SGSM1: variants seen among roughly 807,000 people sequenced by gnomAD.
SGSM1 encodes the protein small G protein signaling modulator 1, also known as RUN and TBC1 domain containing 2.
In SGSM1, 73 loss-of-function variants were observed where a neutral mutation model predicts 133.8. The observed-to-expected ratio is 0.55, with a 90% CI of 0.45 to 0.66. The LOEUF (loss-of-function observed/expected upper bound fraction) is 0.66, where lower values mean the gene tolerates loss of function less well. Among genes scored for constraint, SGSM1 ranks in the 30% least tolerant of loss-of-function variants. SGSM1 has a pLI of 0.00. For missense variants in SGSM1, 1,213 were observed against 1,448.1 expected, an observed-to-expected ratio of 0.84 and a Z score of 2.64; for synonymous variants, 563 against 573.0, an observed-to-expected ratio of 0.98 and a Z score of 0.25.
At chr22:24,915,253 T>TAAATAAATAAATAAATAAATAAAC (rs375854809) in intron 22 of SGSM1, among the ~76,000 whole-genome samples, 34 of 139,558 alleles carry the variant, frequency 2.4e-4, no homozygotes, top group East Asian at 9.2e-4. Flanking sequence ...AATAAATAAA[T>TAAATAAATAAATAAATAAATAAAC]AAACAAACAG....
intron 9 of SGSM1, 110 bp downstream of exon 9, chr22:24,859,950 C>A (rs1931031851): frequency 6.9e-7 from 1 of 1,451,166 alleles, no homozygotes; most frequent in Non-Finnish European, 9.4e-7. Context: ...GCTTCTGCCC[C>A]CTCCTCTGCC....
In SGSM1 at chr22:24,868,832, A is replaced by G. The variant is rs1035628397; in HGVS notation, c.1268A>G (p.Tyr423Cys). The change falls in exon 12 of 25, where the codon TAC (tyrosine) becomes TGC (cysteine). Residue 423 changes from tyrosine (Y) to cysteine (C), a missense_variant. Coordinates refer to ENST00000400358, the MANE Select transcript of SGSM1 (RefSeq NM_001098497.3). Reference sequence around the variant, plus strand: ...ACGGATTATGTGTTCAGGATCATCTACCCTGGCATGCAGTCGGAATTCGGT... The same window carrying G: ...ACGGATTATGTGTTCAGGATCATCTGCCCTGGCATGCAGTCGGAATTCGGT... ...EATDYVFRII[Y>C]PGMQSEFVPQ... The G allele has an allele frequency of 3.7e-6, 6 of 1,613,760 alleles. No homozygotes were observed. The highest frequency in any genetic ancestry group is 4.2e-6 in the Non-Finnish European group (5 of 1,179,884).
intron 2 of SGSM1, among the ~76,000 whole-genome samples, chr22:24,841,059 C>A (rs1160608642): frequency 6.6e-6 from 1 of 151,912 alleles, no homozygotes; most frequent in Non-Finnish European, 1.5e-5. Context: ...ACCGTGTTAG[C>A]CAAGATGGTC....
intron 20 of SGSM1, among the ~76,000 whole-genome samples, chr22:24,903,208 CTT>C (rs879539226): frequency 2.0e-4 from 29 of 143,030 alleles, no homozygotes; most frequent in Non-Finnish European, 1.5e-4. Context: ...TATGAATGTA[CTT>C]TTTTTTTTTT....
chr22:24,818,007 G>A (rs1020887723), intron 2 of SGSM1, among the ~76,000 whole-genome samples: 2 of 150,544 alleles, frequency 1.3e-5, no homozygotes, highest in Admixed American at 1.3e-4. Flanking sequence ...CGAGGCGGGT[G>A]GATCACCTGA....
In SGSM1 at chr22:24,837,612, C is replaced by T. The variant is rs555242922; in HGVS notation, c.64-7285C>T. Reference sequence around the variant, plus strand: ...CCCCCTTTCCCAGTCTGCTAAGTAGCGGGTGTTGTTCCTTGACACCTTTTG... The same window carrying T: ...CCCCCTTTCCCAGTCTGCTAAGTAGTGGGTGTTGTTCCTTGACACCTTTTG... On this transcript the variant is annotated intron_variant, in intron 2 of 24. Transcript: ENST00000400358. 1.6e-3 allele frequency among the ~76,000 whole-genome samples: 215 copies of T among 135,506 alleles called. 6 individuals carry two copies. Among genetic ancestry groups the T allele is most frequent in the African/African-American group, 5.6e-3 (202 of 35,964 alleles). 88.9% of individuals were successfully genotyped at this position (135,506 alleles called of 152,430 possible). A position where few individuals can be genotyped will look rare whatever the true frequency, so the allele number is the denominator to read the frequency against.
intron 2 of SGSM1, chr22:24,813,655 G>T (rs1014660801): frequency 6.8e-6 from 1 of 146,904 alleles, no homozygotes. Context: ...ATATCCACCC[G>T]ATGCGTTTTG....
chr22:24,881,924 C>G (rs1281266380), intron 14 of SGSM1, among the ~76,000 whole-genome samples: 1 of 152,086 alleles, frequency 6.6e-6, no homozygotes, highest in Non-Finnish European at 1.5e-5. Flanking sequence ...TAAGGGGTGG[C>G]ACGTTGGTGG....
At chr22:24,923,822 A>G (rs1447866464) in intron 24 of SGSM1, among the ~76,000 whole-genome samples, 1 of 151,970 alleles carries the variant, frequency 6.6e-6, no homozygotes. Context: ...GGGTTTCTCC[A>G]TGTTAGTCAG....
At chr22:24,821,568 C>T (rs1304992133) in intron 2 of SGSM1, among the ~76,000 whole-genome samples, 1 of 152,184 alleles carries the variant, frequency 6.6e-6, no homozygotes, top group Non-Finnish European at 1.5e-5. Flanking sequence ...CACCACCAGA[C>T]ACCTTCTCTA....
chr22:24,879,951 C>T (rs994052646), intron 14 of SGSM1, among the ~76,000 whole-genome samples: 46 of 152,138 alleles, frequency 3.0e-4, no homozygotes, highest in African/African-American at 9.9e-4. Flanking sequence ...TGACCTTATC[C>T]CTCCCCCAAA....
chr22:24,823,997 G>A (rs1928648913), intron 2 of SGSM1, among the ~76,000 whole-genome samples: 1 of 152,260 alleles, frequency 6.6e-6, no homozygotes, highest in Non-Finnish European at 1.5e-5. Flanking sequence ...CTGAGGTTCA[G>A]AGAAGGGACA....
chr22:24,820,626 T>G (rs1259345593), intron 2 of SGSM1, among the ~76,000 whole-genome samples: 1 of 152,178 alleles, frequency 6.6e-6, no homozygotes, highest in Non-Finnish European at 1.5e-5. Context: ...TTGTTACCTA[T>G]GCTGTGTGGA....
At chr22:24,895,190 ACCCT>A in intron 17 of SGSM1, 29 bp from the exon 18 acceptor site, 1 of 1,584,320 alleles carries the variant, frequency 6.3e-7, no homozygotes, top group South Asian at 1.2e-5. Flanking sequence ...GTGCAGCCTC[ACCCT>A]CCCTCCCTCC....
rs1038833567 is a variant in SGSM1 at position 24,924,402 on chromosome 22, T to C, written c.*128T>C. On this transcript the variant is annotated 3_prime_UTR_variant, in exon 25 of 25. Transcript: ENST00000400358. The stretch of plus-strand genomic sequence containing the variant: ...GTCTGTTCACAAGCGTGGAGTTCAG[T>C]GCGCAAAGAAACTACCCTGACTTTT... 7.9e-6 allele frequency: 6 copies of C among 758,132 alleles called. No individual in the cohort carries two copies. The East Asian group carries it at 1.6e-4, about 20-fold the overall frequency. 47.0% of individuals were successfully genotyped at this position (758,132 alleles called of 1,614,324 possible).
intron 5 of SGSM1, among the ~76,000 whole-genome samples, chr22:24,852,355 T>C (rs1246259006): frequency 6.6e-6 from 1 of 152,206 alleles, no homozygotes; most frequent in Non-Finnish European, 1.5e-5. Flanking sequence ...TACAGAATTA[T>C]TCCGAAATAA....
chr22:24,889,654 A>AT (rs201034986), intron 16 of SGSM1, among the ~76,000 whole-genome samples: 21,519 of 134,152 alleles, frequency 0.16, 1,687 homozygotes, highest in South Asian at 0.31. Flanking sequence ...CCTTAAATTG[A>AT]TTTTTTTTTT....
chr22:24,916,225 C>A (rs1413694692), intron 22 of SGSM1, among the ~76,000 whole-genome samples: 1 of 152,112 alleles, frequency 6.6e-6, no homozygotes, highest in East Asian at 1.9e-4. Context: ...CCCTCCATCT[C>A]CCCAGCCCCT....
intron 21 of SGSM1, among the ~76,000 whole-genome samples, chr22:24,911,662 G>A (rs1459922112): frequency 6.6e-6 from 1 of 151,990 alleles, no homozygotes; most frequent in Non-Finnish European, 1.5e-5. Flanking sequence ...TTTTCCTCTC[G>A]ATAACCCATA....
Sources: allele counts gnomAD v4.1 joint callset (sites outside exome capture counted in the v4.1 genomes callset), GRCh38; gene constraint gnomAD v4.1.1; transcripts MANE v1.5; gene names NCBI Gene and HGNC (gene_info 2026-07-23, HGNC 2026-07-21).